Variants in TMEFF2 observed in about 807,000 individuals in gnomAD.
TMEFF2 encodes tomoregulin-2.
TMEFF2 carries 28 observed loss-of-function variants against 53.8 expected under a neutral mutation model. The ratio of observed to expected loss-of-function variants is 0.52; its 90% CI spans 0.39 to 0.71. The LOEUF (loss-of-function observed/expected upper bound fraction) is 0.71. TMEFF2 is among the 30% of genes least tolerant of loss of function. The pLI is 0.00. For missense variants in TMEFF2, 353 were observed against 455.2 expected, an observed-to-expected ratio of 0.78 and a Z score of 2.04; for synonymous variants, 162 against 166.3, an observed-to-expected ratio of 0.97 and a Z score of 0.20.
chr2:191,970,994 G>A (rs930059787), intron 7 of TMEFF2, among the ~76,000 whole-genome samples: 1 of 152,106 alleles, frequency 6.6e-6, no homozygotes, highest in African/African-American at 2.4e-5. Context: ...CCAAAATTAT[G>A]TTTTTAAGAG....
chr2:191,949,858 C>T lies in TMEFF2; in HGVS notation c.*453G>A, dbSNP rs1213036337. ...TCTCTTTTCCAATAACCATCATTTC[C>T]CTTGATCTTGGAATCATTCAAAACC... On this transcript the variant is annotated 3_prime_UTR_variant, in exon 10 of 10. Coordinates refer to ENST00000272771, the MANE Select transcript of TMEFF2 (RefSeq NM_016192.4). 6.1e-6 allele frequency: 6 copies of T among 985,872 alleles called. No homozygotes were observed. Among genetic ancestry groups the T allele is most frequent in the Non-Finnish European group, 7.2e-6 (6 of 830,154 alleles). 61.1% of individuals were successfully genotyped at this position (985,872 alleles called of 1,614,324 possible).
intron 7 of TMEFF2, among the ~76,000 whole-genome samples, chr2:191,966,657 G>C (rs2105799471): frequency 6.6e-6 from 1 of 152,062 alleles, no homozygotes; most frequent in African/African-American, 2.4e-5. Flanking sequence ...ACAAAAAACA[G>C]GCAAATGAAT....
intron 4 of TMEFF2, among the ~76,000 whole-genome samples, chr2:192,171,773 C>T (rs952330482): frequency 6.6e-6 from 1 of 151,942 alleles, no homozygotes; most frequent in Non-Finnish European, 1.5e-5. Flanking sequence ...AAATTAGTAA[C>T]CTCTCGTTTC....
At chr2:192,036,594 A>G (rs1687298698) in intron 5 of TMEFF2, 1 of 152,158 alleles carries the variant, frequency 6.6e-6, no homozygotes, top group Admixed American at 6.5e-5. Flanking sequence ...TTCTCAGTAT[A>G]CTTAGAATAA....
chr2:192,051,056 T>G (rs1301839903), intron 5 of TMEFF2, among the ~76,000 whole-genome samples: 1 of 152,118 alleles, frequency 6.6e-6, no homozygotes, highest in Non-Finnish European at 1.5e-5. Context: ...AAAACGCTAC[T>G]GCAGCTTTCA....
intron 2 of TMEFF2, among the ~76,000 whole-genome samples, chr2:192,188,820 C>T (rs1381276999): frequency 3.4e-5 from 5 of 147,514 alleles, no homozygotes; most frequent in East Asian, 4.0e-4. Flanking sequence ...CCTTCCTCCC[C>T]GCTTTTCTAT....
At position 192,194,269 on chromosome 2, in the gene TMEFF2, G is replaced by A. The variant is rs1235960678; in HGVS notation, c.172+84C>T. On this transcript the variant is annotated intron_variant, in intron 1 of 9. Coordinates refer to ENST00000272771, the MANE Select transcript of TMEFF2 (RefSeq NM_016192.4). This position sits in a 1 kb window ranked among gnomAD's most constrained non-coding sequence, Gnocchi z 4.2. The stretch of plus-strand genomic sequence containing the variant: ...CAGTAGGAGGTGAGGGGCTGAGGAG[G>A]CGCGCTAGGGTAGGCTGGTCTGTGC... 4 of 1,526,790 alleles carry A rather than the reference G, an allele frequency of 2.6e-6. No homozygotes were observed. The highest frequency in any genetic ancestry group is 1.8e-5 in the Admixed American group (1 of 56,816). 94.6% of individuals were successfully genotyped at this position (1,526,790 alleles called of 1,614,324 possible). A position where few individuals can be genotyped will look rare whatever the true frequency, so the allele number is the denominator to read the frequency against.
At chr2:191,981,156 C>T (rs1685843551) in intron 7 of TMEFF2, among the ~76,000 whole-genome samples, 1 of 151,912 alleles carries the variant, frequency 6.6e-6, no homozygotes, top group South Asian at 2.1e-4. Context: ...TAAATTTTAA[C>T]TTCTATTGCA....
At chr2:191,972,020 G>GAAAC (rs1692657252) in intron 7 of TMEFF2, among the ~76,000 whole-genome samples, 1 of 152,172 alleles carries the variant, frequency 6.6e-6, no homozygotes, top group African/African-American at 2.4e-5. Flanking sequence ...GGTGTTCCAG[G>GAAAC]AAACAGCCTT....
intron 5 of TMEFF2, among the ~76,000 whole-genome samples, chr2:192,039,403 G>A (rs567782777): frequency 6.6e-6 from 1 of 152,200 alleles, no homozygotes; most frequent in African/African-American, 2.4e-5. Context: ...CTATTGCTTT[G>A]TACATTTTTC....
chr2:191,997,965 T>C (rs916257507), intron 7 of TMEFF2, among the ~76,000 whole-genome samples: 1 of 151,978 alleles, frequency 6.6e-6, no homozygotes, highest in East Asian at 1.9e-4. Context: ...TTCATTTCCA[T>C]TGATGCTATT....
chr2:192,062,994 C>T (rs1473581753), intron 4 of TMEFF2, among the ~76,000 whole-genome samples: 1 of 149,620 alleles, frequency 6.7e-6, no homozygotes, highest in Non-Finnish European at 1.5e-5. Flanking sequence ...GTTGTTGTTG[C>T]TATTCAATTA....
chr2:192,074,766 A>T (rs757428070), intron 4 of TMEFF2, among the ~76,000 whole-genome samples: 15 of 151,982 alleles, frequency 9.9e-5, no homozygotes, highest in Non-Finnish European at 2.1e-4. Context: ...TAACAAGTAT[A>T]TAACTCGAAT....
intron 7 of TMEFF2, among the ~76,000 whole-genome samples, chr2:191,989,554 GGAAGA>G (rs1385750541): frequency 1.3e-5 from 2 of 152,072 alleles, no homozygotes; most frequent in Non-Finnish European, 2.9e-5. Context: ...TTCAACTCTA[GGAAGA>G]GAAAACACTG....
At chr2:192,029,912 G>A (rs1052385509) in intron 5 of TMEFF2, among the ~76,000 whole-genome samples, 1 of 152,148 alleles carries the variant, frequency 6.6e-6, no homozygotes, top group Non-Finnish European at 1.5e-5. Context: ...CAACAAAGCT[G>A]GATTCTATAC....
At chr2:192,082,152 G>C (rs1403197548) in intron 4 of TMEFF2, among the ~76,000 whole-genome samples, 1 of 152,108 alleles carries the variant, frequency 6.6e-6, no homozygotes, top group Non-Finnish European at 1.5e-5. Flanking sequence ...TTAATTCTGT[G>C]ATGAACCTCT....
intron 5 of TMEFF2, chr2:192,038,110 C>G (rs1285075445): frequency 1.3e-5 from 2 of 152,204 alleles, no homozygotes; most frequent in Non-Finnish European, 2.9e-5. Context: ...CTTCAAGAAA[C>G]TTCTTTCCCT....
rs776271065 is a variant in TMEFF2 at position 192,013,693 on chromosome 2, G to A, written c.537-14485C>T. Among the ~76,000 whole-genome samples, 6 of 152,170 alleles carry A rather than the reference G, an allele frequency of 3.9e-5. 1 individual carries two copies. The highest frequency in any genetic ancestry group is 6.8e-3 in the Middle Eastern group (2 of 294). On this transcript the variant is annotated intron_variant, in intron 5 of 9. Coordinates refer to ENST00000272771, the MANE Select transcript of TMEFF2 (RefSeq NM_016192.4). ...TCAAACTCCTGACCTCAGGCGATCC[G>A]CCCGCCTTGGCCTCCCAAAGTGCTG...
intron 4 of TMEFF2, among the ~76,000 whole-genome samples, chr2:192,070,383 G>A (rs908774255): frequency 6.6e-6 from 1 of 151,706 alleles, no homozygotes; most frequent in African/African-American, 2.4e-5. Context: ...TTATGCCTCA[G>A]TTTAGAAGCC....
Sources: gnomAD v4.1 joint callset for allele counts (sites outside exome capture counted in the v4.1 genomes callset) on GRCh38, gnomAD v4.1.1 for gene constraint, Gnocchi (gnomAD v3.1) non-coding constraint, MANE v1.5 for transcripts, NCBI Gene and HGNC (gene_info 2026-07-23, HGNC 2026-07-21) for gene names.